The following COA1 variants were observed in gnomAD, a reference collection of about 807,000 sequenced individuals.
COA1 encodes cytochrome c oxidase assembly factor 1 homolog.
COA1 carries 13 observed loss-of-function variants against 16.0 expected under a neutral mutation model. The observed-to-expected ratio is 0.81, with a 90% CI of 0.53 to 1.29. The LOEUF is 1.29. COA1 is among the 50% of genes most tolerant of loss of function. The pLI is 0.00. For missense variants in COA1, 179 were observed against 177.0 expected (o/e 1.01, Z -0.06); for synonymous variants, 65 against 65.7 (o/e 0.99, Z 0.05).
At chr7:43,670,753 G>GT (rs530843714) in intron 1 of COA1, among the ~76,000 whole-genome samples, 13 of 152,118 alleles carry the variant, frequency 8.5e-5, no homozygotes, top group Non-Finnish European at 1.8e-4. Flanking sequence ...GTTCCCAAGT[G>GT]TTTTATATTC....
At chr7:43,705,190 T>G (rs894430243) in intron 1 of COA1, among the ~76,000 whole-genome samples, 19 of 152,160 alleles carry the variant, frequency 1.2e-4, no homozygotes, top group African/African-American at 4.6e-4. Context: ...GGAGCTGAGA[T>G]GTTCCCGGTC....
intron 1 of COA1, among the ~76,000 whole-genome samples, chr7:43,686,483 T>C (rs2094038664): frequency 6.6e-6 from 1 of 152,044 alleles, no homozygotes; most frequent in African/African-American, 2.4e-5. Flanking sequence ...ATTTTTTGTA[T>C]TTTTAGTAGA....
intron 6 of COA1, among the ~76,000 whole-genome samples, chr7:43,616,734 A>G (rs1303373444): frequency 6.6e-6 from 1 of 152,078 alleles, no homozygotes; most frequent in Non-Finnish European, 1.5e-5. Context: ...CGTCTCTACT[A>G]AAAATACAAA....
chr7:43,686,843 TA>T (rs2094058883), intron 1 of COA1, among the ~76,000 whole-genome samples: 1 of 152,232 alleles, frequency 6.6e-6, no homozygotes, highest in African/African-American at 2.4e-5. Context: ...TACCCTATAA[TA>T]CAAGTATTTA....
chr7:43,638,476 T>TAACA (rs1351532619), downstream of COA1, among the ~76,000 whole-genome samples: 2 of 152,116 alleles, frequency 1.3e-5, no homozygotes, highest in Non-Finnish European at 2.9e-5. Flanking sequence ...TACAATTATC[T>TAACA]AACATGCGGT....
chr7:43,662,552 A>T (rs1453942651), intron 1 of COA1, among the ~76,000 whole-genome samples: 2 of 152,226 alleles, frequency 1.3e-5, no homozygotes, highest in Non-Finnish European at 2.9e-5. Flanking sequence ...TTTCAACCAT[A>T]AAAATATATT....
At chr7:43,707,954 T>A (rs993655893) in intron 1 of COA1, among the ~76,000 whole-genome samples, 12 of 152,216 alleles carry the variant, frequency 7.9e-5, no homozygotes. Context: ...TATCCAACAG[T>A]GTAAAAAAAT....
intron 6 of COA1, among the ~76,000 whole-genome samples, chr7:43,613,553 TAGA>T (rs1046063463): frequency 1.3e-5 from 2 of 152,024 alleles, no homozygotes; most frequent in Non-Finnish European, 1.5e-5. Flanking sequence ...AAAAGTAGAC[TAGA>T]AGAAGGCCAG....
At chr7:43,726,428 T>C (rs1236139143) in intron 1 of COA1, among the ~76,000 whole-genome samples, 1 of 152,148 alleles carries the variant, frequency 6.6e-6, no homozygotes, top group Non-Finnish European at 1.5e-5. Context: ...TAAAACAATA[T>C]AGTAAAAAAT....
At chr7:43,635,283 G>A (rs757680230), downstream of COA1, among the ~76,000 whole-genome samples, 21 of 152,228 alleles carry the variant, frequency 1.4e-4, no homozygotes, top group Middle Eastern at 3.4e-3. Flanking sequence ...AGGATTTCCC[G>A]ATATTGAACC....
intron 6 of COA1, chr7:43,632,714 T>C (rs1433569357): frequency 1.3e-5 from 2 of 152,078 alleles, no homozygotes; most frequent in African/African-American, 2.4e-5. Context: ...AATATTTTGG[T>C]TTTTTGGATT....
chr7:43,704,151 G>A (rs2094874892), intron 1 of COA1, among the ~76,000 whole-genome samples: 1 of 152,122 alleles, frequency 6.6e-6, no homozygotes, highest in Admixed American at 6.6e-5. Context: ...ATCCCTTCTG[G>A]CATGTAAGGT....
intron 1 of COA1, among the ~76,000 whole-genome samples, chr7:43,693,452 C>T (rs935393555): frequency 2.0e-5 from 3 of 152,088 alleles, no homozygotes; most frequent in South Asian, 2.1e-4. Context: ...CACTTGACCT[C>T]GGCGGTTCAT....
intron 1 of COA1, among the ~76,000 whole-genome samples, chr7:43,674,680 C>T (rs2093431348): frequency 6.6e-6 from 1 of 152,138 alleles, no homozygotes; most frequent in Admixed American, 6.5e-5. Flanking sequence ...TGATTTGTGA[C>T]AAATGGACCT....
At chr7:43,624,923 T>TTTG in intron 6 of COA1, 1 of 1,259,166 alleles carries the variant, frequency 7.9e-7, no homozygotes, top group African/African-American at 1.5e-5. Flanking sequence ...AAATGGTACA[T>TTTG]GTACTGGAAG....
chr7:43,691,327 A>AAGAAAG (rs1554542189), intron 1 of COA1, among the ~76,000 whole-genome samples: 2 of 90,484 alleles, frequency 2.2e-5, no homozygotes, highest in Non-Finnish European at 4.6e-5. Context: ...GAAAGAAAGA[A>AAGAAAG]AGAGAAAGAG....
intron 1 of COA1, among the ~76,000 whole-genome samples, chr7:43,688,222 C>A (rs938979212): frequency 1.3e-5 from 2 of 152,064 alleles, no homozygotes; most frequent in African/African-American, 4.8e-5. Context: ...GCAGAAGGAG[C>A]CTTGATATAT....
chr7:43,726,026 A>C (rs1169458406), intron 1 of COA1, among the ~76,000 whole-genome samples: 1 of 152,130 alleles, frequency 6.6e-6, no homozygotes, highest in Non-Finnish European at 1.5e-5. Flanking sequence ...CTCTGCATAC[A>C]TTAAATAATC....
intron 1 of COA1, among the ~76,000 whole-genome samples, chr7:43,692,587 G>A (rs1398405845): frequency 1.3e-5 from 2 of 151,858 alleles, no homozygotes; most frequent in African/African-American, 4.8e-5. Context: ...TGGACAGAAA[G>A]GGGCACAAGT....
Sources: gnomAD v4.1 joint callset for allele counts (sites outside exome capture counted in the v4.1 genomes callset) on GRCh38, gnomAD v4.1.1 for gene constraint, MANE v1.5 for transcripts, NCBI Gene and HGNC (gene_info 2026-07-23, HGNC 2026-07-21) for gene names.